The following H6PD variants were observed in gnomAD, a reference collection of about 807,000 sequenced individuals.
H6PD encodes GDH/6PGL endoplasmic bifunctional protein.
In H6PD, 48 loss-of-function variants were observed where a neutral mutation model predicts 61.2. The observed-to-expected ratio is 0.78, with a 90% CI of 0.62 to 1.00. The LOEUF (loss-of-function observed/expected upper bound fraction) is 1.00, where lower values mean the gene tolerates loss of function less well. Ranked by LOEUF, H6PD falls within the 50% of genes least tolerant of loss-of-function variation. The pLI, the probability that H6PD is intolerant of heterozygous loss-of-function variation, is 0.00. For missense variants in H6PD, 1,093 were observed against 1,065.0 expected, an observed-to-expected ratio of 1.03 and a Z score of -0.37; for synonymous variants, 480 against 457.9, an observed-to-expected ratio of 1.05 and a Z score of -0.62.
intron 3 of H6PD, among the ~76,000 whole-genome samples, chr1:9,247,352 TCTCC>T (rs1641213721): frequency 6.6e-6 from 1 of 151,556 alleles, no homozygotes; most frequent in African/African-American, 2.4e-5. Context: ...GAGGCTGGAG[TCTCC>T]CTGAGGTCCC....
chr1:9,258,244 T>C (rs1161218863), intron 3 of H6PD, among the ~76,000 whole-genome samples: 3 of 152,040 alleles, frequency 2.0e-5, no homozygotes, highest in South Asian at 4.2e-4. Flanking sequence ...GGTGGTGTTA[T>C]GTTGGTGTTG....
chr1:9,265,061 T>C lies in H6PD; in HGVS notation c.*192T>C. 1.5e-6 allele frequency: 1 copy of C among 653,432 alleles called. No individual in the cohort carries two copies. The highest frequency in any genetic ancestry group is 2.3e-5 in the Admixed American group (1 of 43,234). The allele number at this position is 653,432 out of a possible 1,614,324, so 40.5% of individuals were successfully genotyped here. ...ACCGGCAGCTCTGTGTATTGGTGGA[T>C]AGATGCAGAAACAAGGAAGAAATGG... On this transcript the variant is annotated 3_prime_UTR_variant, in exon 5 of 5. Coordinates refer to ENST00000377403, the MANE Select transcript of H6PD (RefSeq NM_004285.4).
chr1:9,264,929 C>T lies in H6PD; in HGVS notation c.*60C>T, dbSNP rs1638506115. On this transcript the variant is annotated 3_prime_UTR_variant, in exon 5 of 5. Coordinates refer to ENST00000377403, the MANE Select transcript of H6PD (RefSeq NM_004285.4). ...GCTTTCCTTCGCCCGTGTCTTCCCT[C>T]CCTTCTCGGCCCCGCCACCTGCCCA... is the stretch of plus-strand genomic sequence containing the variant. 3 of 1,575,072 alleles carry T rather than the reference C, an allele frequency of 1.9e-6. No individual in the cohort carries two copies. Among genetic ancestry groups the T allele is most frequent in the Non-Finnish European group, 1.7e-6 (2 of 1,157,412 alleles).
chr1:9,243,763 G>A (rs1641070763), intron 1 of H6PD, among the ~76,000 whole-genome samples: 1 of 144,646 alleles, frequency 6.9e-6, no homozygotes, highest in Non-Finnish European at 1.5e-5. Flanking sequence ...TTACCTGGGA[G>A]AGGTTGTAGC....
In H6PD at chr1:9,264,599, C is replaced by T. The variant is rs1638487945; in HGVS notation, c.2106C>T (p.Leu702=). 6.2e-7 allele frequency: 1 copy of T among 1,613,286 alleles called. No homozygotes were observed. Among genetic ancestry groups the T allele is most frequent in the Non-Finnish European group, 8.5e-7 (1 of 1,179,968 alleles). Reference sequence around the variant, plus strand: ...GTGCCGACGGGCACACAGCCTCCCTCTTCCCACAGTCACCCACTGGCCTGG... The same window carrying T: ...GTGCCGACGGGCACACAGCCTCCCTTTTCCCACAGTCACCCACTGGCCTGG... The part of the protein sequence containing the change: ...GMGADGHTAS[L]FPQSPTGLDG... The change falls in exon 5 of 5, where the codon CTC becomes CTT. Residue 702 remains leucine, a synonymous_variant. Coordinates refer to ENST00000377403, the MANE Select transcript of H6PD (RefSeq NM_004285.4).
At position 9,245,160 on chromosome 1, in the gene H6PD, C is replaced by G. The variant is rs751860747; in HGVS notation, c.226C>G (p.Leu76Val). The G allele has an allele frequency of 5.0e-6, 8 of 1,614,244 alleles. No individual in the cohort carries two copies. The highest frequency in any genetic ancestry group is 6.8e-6 in the Non-Finnish European group (8 of 1,180,040). The change falls in exon 2 of 5, where the codon CTC becomes GTC. Residue 76 changes from leucine to valine, a missense_variant. Physicochemically the swap from Leu to Val is conservative, Grantham distance 32. Coordinates refer to ENST00000377403, the MANE Select transcript of H6PD (RefSeq NM_004285.4). The surrounding 1 kb of genome is among the most constrained non-coding windows in gnomAD (Gnocchi z 4.8). ...GACAGCCCCCAAGCAGGGTCAAGAG[C>G]TCATGGCCAAGGCCCTGGAATCCCT... ...ALTAPKQGQELMAKALESLSC... is the reference protein window; with the variant it reads ...ALTAPKQGQEVMAKALESLSC...
At position 9,235,075 on chromosome 1, in the gene H6PD, C is replaced by T. The variant is rs1407101019; in HGVS notation, c.-11+9C>T. 6.8e-6 allele frequency: 1 copy of T among 148,138 alleles called. No homozygotes were observed. The highest frequency in any genetic ancestry group is 6.7e-5 in the Admixed American group (1 of 14,862). 9.2% of individuals were successfully genotyped at this position (148,138 alleles called of 1,614,324 possible). On this transcript the variant is annotated intron_variant, in intron 1 of 4. Transcript: ENST00000377403. ...CCGCCGCGCGAGAGGAAGTAAGCGC[C>T]CCCCGCCGGCCCCGCCGCCGCCCCG...
chr1:9,263,969 C>G lies in H6PD; in HGVS notation c.1476C>G (p.Ser492Arg). The G allele has an allele frequency of 6.2e-7, 1 of 1,614,222 alleles. No individual in the cohort carries two copies. Among genetic ancestry groups the G allele is most frequent in the Non-Finnish European group, 8.5e-7 (1 of 1,180,030 alleles). Residue 492 changes from serine to arginine, a missense_variant, in exon 5 of 5, where the codon AGC becomes AGG. Physicochemically the swap from Ser to Arg is moderately radical, Grantham distance 110. Transcript: ENST00000377403. ...SWNFWTPLLE[S>R]LAHKAPRLYP... is the part of the protein sequence containing the mutation. ...ACTTCTGGACCCCTCTGCTGGAGAG[C>G]CTGGCCCATAAGGCCCCACGCCTCT...
Position 9,254,737 on chromosome 1 carries a change from C to T in H6PD, c.746-7322C>T, listed in dbSNP as rs1384199908. ...ACTCACAAATCCTACTACACTTTAC[C>T]CAGTTAAGGTGGACAGGCCAGTGAG... On this transcript the variant is annotated intron_variant, in intron 3 of 4. Coordinates refer to ENST00000377403, the MANE Select transcript of H6PD (RefSeq NM_004285.4). This position sits in a 1 kb window ranked among gnomAD's most constrained non-coding sequence, Gnocchi z 4.6. 3.3e-5 allele frequency among the ~76,000 whole-genome samples: 5 copies of T among 152,244 alleles called. No homozygotes were observed. Among genetic ancestry groups the T allele is most frequent in the South Asian group, 2.1e-4 (1 of 4,820 alleles).
At position 9,264,311 on chromosome 1, in the gene H6PD, C is replaced by G; in HGVS notation, c.1818C>G (p.His606Gln). 1.2e-6 allele frequency: 2 copies of G among 1,611,728 alleles called. No individual in the cohort carries two copies. Among genetic ancestry groups the G allele is most frequent in the Non-Finnish European group, 1.7e-6 (2 of 1,179,796 alleles). The change falls in exon 5 of 5, where the codon CAC becomes CAG. Residue 606 changes from histidine (H) to glutamine (Q), a missense_variant. By Grantham distance (24) the His-to-Gln change is conservative. Transcript: ENST00000377403. ...TGTTCCAGCAGCTGGCCACGGCGCA[C>G]TATGGCTTCCCCTGGGCCCACACGC... ...VALFQQLATA[H>Q]YGFPWAHTHL... is the part of the protein sequence containing the mutation.
chr1:9,260,884 C>A (rs902096040), intron 3 of H6PD, among the ~76,000 whole-genome samples: 1 of 152,124 alleles, frequency 6.6e-6, no homozygotes, highest in Non-Finnish European at 1.5e-5. Context: ...CCAAACCCCT[C>A]TGCTTCCGCC....
intron 4 of H6PD, 47 bp from the exon 5 acceptor site, chr1:9,263,462 T>C (rs371176376): frequency 2.5e-6 from 4 of 1,593,464 alleles, no homozygotes; most frequent in Non-Finnish European, 3.4e-6. Flanking sequence ...GGCCGGAGAG[T>C]CCTGGTCTGT....
chr1:9,238,544 A>G (rs1375079799), intron 1 of H6PD, among the ~76,000 whole-genome samples: 1 of 152,180 alleles, frequency 6.6e-6, no homozygotes, highest in Non-Finnish European at 1.5e-5. Context: ...GATAGAAACT[A>G]CAGGATTTGC....
At position 9,249,109 on chromosome 1, in the gene H6PD, C is replaced by T. The variant is rs556338116; in HGVS notation, c.745+2026C>T. Reference sequence around the variant, plus strand: ...CCCCATCCCCAGCGAGGCTGGGAGACTCCTCTCCCCTTTCTGGCAACTCCT... The same window carrying T: ...CCCCATCCCCAGCGAGGCTGGGAGATTCCTCTCCCCTTTCTGGCAACTCCT... On this transcript the variant is annotated intron_variant, in intron 3 of 4. Coordinates refer to ENST00000377403, the MANE Select transcript of H6PD (RefSeq NM_004285.4). 2.0e-4 allele frequency among the ~76,000 whole-genome samples: 30 copies of T among 152,348 alleles called. No individual in the cohort carries two copies. The South Asian group carries it at 6.0e-3, about 31-fold the overall frequency.
chr1:9,245,373 T>A lies in H6PD; in HGVS notation c.439T>A (p.Phe147Ile), dbSNP rs2100329204. Reference sequence around the variant, plus strand: ...GATCTTCTACTTCTCAGTGCCACCCTTCGCCTATGAAGACATTGCCCGCAA... The same window carrying A: ...GATCTTCTACTTCTCAGTGCCACCCATCGCCTATGAAGACATTGCCCGCAA... Reference protein sequence around the residue: ...GRIFYFSVPPFAYEDIARNIN... With the variant: ...GRIFYFSVPPIAYEDIARNIN... The change falls in exon 2 of 5, where the codon TTC (phenylalanine) becomes ATC (isoleucine). Residue 147 changes from phenylalanine (F) to isoleucine (I), a missense_variant. By Grantham distance (21) the Phe-to-Ile change is conservative (BLOSUM62 0). Transcript: ENST00000377403. This position sits in a 1 kb window ranked among gnomAD's most constrained non-coding sequence, Gnocchi z 4.8. 2 of 1,614,098 alleles carry A rather than the reference T, an allele frequency of 1.2e-6. No individual in the cohort carries two copies. Among genetic ancestry groups the A allele is most frequent in the South Asian group, 2.2e-5 (2 of 91,082 alleles).
chr1:9,263,748 T>C lies in H6PD; in HGVS notation c.1255T>C (p.Phe419Leu), dbSNP rs778291064. 4.5e-5 allele frequency: 72 copies of C among 1,613,868 alleles called. 1 individual carries two copies. In the South Asian group the frequency reaches 7.5e-4, roughly 17 times the overall value. ...TGCCGTGCTGGTCAGCAGGAACCTGTTCAGGCCCTCCCTGCCCTCCAGCTG... is the reference window on the plus strand; with the variant it reads ...TGCCGTGCTGGTCAGCAGGAACCTGCTCAGGCCCTCCCTGCCCTCCAGCTG... ...SPAVLVSRNL[F>L]RPSLPSSWKE... is the part of the protein sequence containing the mutation. The change falls in exon 5 of 5, where the codon TTC becomes CTC. Residue 419 changes from phenylalanine (F) to leucine (L), a missense_variant. Coordinates refer to ENST00000377403, the MANE Select transcript of H6PD (RefSeq NM_004285.4).
chr1:9,258,506 G>A (rs1354977312), intron 3 of H6PD, among the ~76,000 whole-genome samples: 1 of 151,888 alleles, frequency 6.6e-6, no homozygotes, highest in East Asian at 1.9e-4. Context: ...CCGGTGTTGT[G>A]TTGTTACACT....
chr1:9,240,166 G>A, intron 1 of H6PD: 1 of 410,880 alleles, frequency 2.4e-6, no homozygotes, highest in Non-Finnish European at 4.2e-6. Flanking sequence ...CCTCCCTACA[G>A]GATGCCCCCA....
At position 9,244,923 on chromosome 1, in the gene H6PD, AGGCACCC is replaced by A; in HGVS notation, c.-10-1_-5del. 3 of 1,182,616 alleles carry A rather than the reference AGGCACCC, an allele frequency of 2.5e-6. No homozygotes were observed. The highest frequency in any genetic ancestry group is 3.5e-6 in the Non-Finnish European group (3 of 862,030). 73.3% of individuals were successfully genotyped at this position (1,182,616 alleles called of 1,614,324 possible). A position where few individuals can be genotyped will look rare whatever the true frequency, so the allele number is the denominator to read the frequency against. ...CCTCGTCTGTCTCTCTTTGCACCCC[AGGCACCC>A]AGGCATGTGGAATATGCTCATAGTG... On this transcript the variant is annotated splice_acceptor_variant and 5_prime_UTR_variant, in exon 2 of 5. Coordinates refer to ENST00000377403, the MANE Select transcript of H6PD (RefSeq NM_004285.4). LOFTEE classifies it low-confidence loss of function (5UTR_SPLICE).
Sources: allele counts gnomAD v4.1 joint callset (sites outside exome capture counted in the v4.1 genomes callset), GRCh38; gene constraint gnomAD v4.1.1; non-coding constraint Gnocchi (gnomAD v3.1); transcripts MANE v1.5; gene names NCBI Gene and HGNC (gene_info 2026-07-23, HGNC 2026-07-21).